The following ADCY8 variants were observed in gnomAD, a reference collection of about 807,000 sequenced individuals.
The protein encoded by ADCY8 is adenylate cyclase type 8.
In ADCY8, 51 loss-of-function variants were observed where a neutral mutation model predicts 119.7. The ratio of observed to expected loss-of-function variants is 0.43; its 90% CI spans 0.34 to 0.54. The LOEUF (loss-of-function observed/expected upper bound fraction) is 0.54, where lower values mean the gene tolerates loss of function less well. ADCY8 is among the 20% of genes least tolerant of loss of function. The pLI is 0.03. For missense variants in ADCY8, 1,383 were observed against 1,598.8 expected, an observed-to-expected ratio of 0.87 and a Z score of 2.30; for synonymous variants, 665 against 651.0, an observed-to-expected ratio of 1.02 and a Z score of -0.33.
At chr8:130,816,071 G>A (rs1250111806) in intron 13 of ADCY8, among the ~76,000 whole-genome samples, 2 of 152,190 alleles carry the variant, frequency 1.3e-5, no homozygotes, top group South Asian at 2.1e-4. Flanking sequence ...CTGAATTCAA[G>A]GGCTTAGACA....
rs554365896 is a variant in ADCY8, at chr8:130,917,246, A to G, written c.1482-7380T>C. Among the ~76,000 whole-genome samples, 15 of 152,318 alleles carry G rather than the reference A, an allele frequency of 9.8e-5. 1 individual carries two copies. The highest frequency in any genetic ancestry group is 3.4e-4 in the African/African-American group (14 of 41,572). ...TACAGCTCATCCATTTATTCTTTCAACAAGTGTCTGTTGAAGAACTCTAAA... is the reference window on the plus strand; with the variant it reads ...TACAGCTCATCCATTTATTCTTTCAGCAAGTGTCTGTTGAAGAACTCTAAA... On this transcript the variant is annotated intron_variant, in intron 5 of 17. Transcript: ENST00000286355.
At chr8:130,861,871 G>C (rs1817941682) in intron 9 of ADCY8, among the ~76,000 whole-genome samples, 2 of 151,920 alleles carry the variant, frequency 1.3e-5, no homozygotes, top group Non-Finnish European at 1.5e-5. Context: ...AGTTTTCTGA[G>C]AGTTTTTAAC....
At chr8:130,827,275 GAC>G (rs1816697035) in intron 12 of ADCY8, among the ~76,000 whole-genome samples, 1 of 152,204 alleles carries the variant, frequency 6.6e-6, no homozygotes, top group African/African-American at 2.4e-5. Flanking sequence ...TCCAGCTGCA[GAC>G]ACAGATGCTG....
At chr8:130,946,994 G>A (rs1821124452) in intron 3 of ADCY8, among the ~76,000 whole-genome samples, 1 of 152,158 alleles carries the variant, frequency 6.6e-6, no homozygotes, top group Non-Finnish European at 1.5e-5. Flanking sequence ...TCCATTGCTT[G>A]TTCTGCCACC....
At chr8:130,968,036 G>A (rs1343467563) in intron 2 of ADCY8, among the ~76,000 whole-genome samples, 4 of 152,168 alleles carry the variant, frequency 2.6e-5, no homozygotes, top group Admixed American at 6.5e-5. Context: ...AACATGCTTA[G>A]TGGCAGTGAC....
At chr8:130,956,923 C>T (rs573346675) in intron 2 of ADCY8, among the ~76,000 whole-genome samples, 2 of 152,258 alleles carry the variant, frequency 1.3e-5, no homozygotes, top group East Asian at 3.9e-4. Flanking sequence ...AATGTAAGTC[C>T]AATTAAAACC....
rs531428874 is a variant in ADCY8, at chr8:130,797,868, T to C, written c.3060+2558A>G. On this transcript the variant is annotated intron_variant, in intron 15 of 17. Transcript: ENST00000286355. The stretch of plus-strand genomic sequence containing the variant: ...ACTACGGTGACCATGTTTGAGCTTA[T>C]GACTTCAAAATCATTACCATGAAAT... Among the ~76,000 whole-genome samples the C allele has an allele frequency of 1.8e-4, 27 of 152,370 alleles. No individual in the cohort carries two copies. The South Asian group carries it at 3.9e-3, about 22-fold the overall frequency.
At chr8:130,957,920 T>C (rs962613981) in intron 2 of ADCY8, among the ~76,000 whole-genome samples, 1 of 152,210 alleles carries the variant, frequency 6.6e-6, no homozygotes, top group Non-Finnish European at 1.5e-5. Flanking sequence ...GACAGAAGTT[T>C]GTTACAGGGA....
intron 9 of ADCY8, among the ~76,000 whole-genome samples, chr8:130,851,600 A>G (rs1271578164): frequency 6.6e-6 from 1 of 152,154 alleles, no homozygotes; most frequent in Non-Finnish European, 1.5e-5. Flanking sequence ...AGTGAAGAGG[A>G]AACGTGTTCA....
intron 11 of ADCY8, among the ~76,000 whole-genome samples, chr8:130,845,759 C>A (rs1817276949): frequency 6.6e-6 from 1 of 152,074 alleles, no homozygotes; most frequent in Non-Finnish European, 1.5e-5. Context: ...AGTCTACTTT[C>A]TCCTCTAGGG....
At chr8:131,010,793 T>A (rs1823277392) in intron 1 of ADCY8, among the ~76,000 whole-genome samples, 1 of 152,230 alleles carries the variant, frequency 6.6e-6, no homozygotes, top group Non-Finnish European at 1.5e-5. Context: ...GCTACCTAAA[T>A]ACAAGCCAAC....
chr8:130,918,740 G>A (rs796921250), intron 5 of ADCY8, among the ~76,000 whole-genome samples: 7 of 152,192 alleles, frequency 4.6e-5, no homozygotes, highest in African/African-American at 1.4e-4. Flanking sequence ...CCCTTCCATT[G>A]GACAACCTCT....
At chr8:130,829,863 C>T (rs894114089) in intron 12 of ADCY8, among the ~76,000 whole-genome samples, 1 of 152,162 alleles carries the variant, frequency 6.6e-6, no homozygotes, top group African/African-American at 2.4e-5. Context: ...GGAGGTAAAC[C>T]AGTTTTACAA....
intron 2 of ADCY8, among the ~76,000 whole-genome samples, chr8:130,962,182 G>A (rs1333643838): frequency 6.6e-6 from 1 of 152,202 alleles, no homozygotes. Context: ...AGACATGGGA[G>A]TTTGCCTGGA....
At chr8:130,985,825 ATTTAAG>A (rs1186029498) in intron 2 of ADCY8, among the ~76,000 whole-genome samples, 2 of 152,210 alleles carry the variant, frequency 1.3e-5, no homozygotes, top group African/African-American at 4.8e-5. Flanking sequence ...TAACAAAGAT[ATTTAAG>A]TTTAACAGAA....
At chr8:130,814,355 A>T in intron 13 of ADCY8, 128 bp from the exon 14 acceptor site, 5 of 1,010,282 alleles carry the variant, frequency 4.9e-6, no homozygotes, top group Non-Finnish European at 7.0e-6. Flanking sequence ...GCCTGATCTG[A>T]ATATTTTGGG....
At chr8:130,956,124 A>G (rs551660322) in intron 2 of ADCY8, among the ~76,000 whole-genome samples, 1 of 152,198 alleles carries the variant, frequency 6.6e-6, no homozygotes, top group African/African-American at 2.4e-5. Flanking sequence ...CAGCCTGGTC[A>G]ACAGAGAAAG....
intron 2 of ADCY8, among the ~76,000 whole-genome samples, chr8:130,973,916 T>C (rs534827438): frequency 3.9e-4 from 60 of 152,364 alleles, no homozygotes; most frequent in Non-Finnish European, 7.3e-4. Context: ...TCTTGTTTTA[T>C]AGTTCTGAGT....
intron 5 of ADCY8, among the ~76,000 whole-genome samples, chr8:130,927,599 A>G (rs1820511100): frequency 6.6e-6 from 1 of 152,128 alleles, no homozygotes; most frequent in Admixed American, 6.5e-5. Context: ...AGTTTTTCAG[A>G]TAGTTTGCTG....
Sources: gnomAD v4.1 joint callset for allele counts (sites outside exome capture counted in the v4.1 genomes callset) on GRCh38, gnomAD v4.1.1 for gene constraint, MANE v1.5 for transcripts, NCBI Gene and HGNC (gene_info 2026-07-23, HGNC 2026-07-21) for gene names.